The following PTH2R variants were observed in gnomAD, a reference collection of about 807,000 sequenced individuals.
PTH2R encodes the protein parathyroid hormone 2 receptor, also known as PTH2 receptor.
Under a neutral mutation model 60.3 loss-of-function variants are expected in PTH2R, and 59 were observed. The observed-to-expected ratio is 0.98, with a 90% CI of 0.79 to 1.22. The LOEUF (loss-of-function observed/expected upper bound fraction) is 1.22, where lower values mean the gene tolerates loss of function less well. Ranked by LOEUF, PTH2R falls within the 50% of genes most tolerant of loss-of-function variation. The probability of loss-of-function intolerance (pLI) is 0.00; values close to 1 mark genes in which losing one functional copy is unlikely to be tolerated. For missense variants in PTH2R, 749 were observed against 682.6 expected (o/e 1.10, Z -1.08); for synonymous variants, 256 against 243.8 (o/e 1.05, Z -0.47).
Position 208,437,546 on chromosome 2 carries a change from G to T in PTH2R, c.188G>T (p.Cys63Phe), listed in dbSNP as rs1206406886. ...TTTTTTTTCTCATTAGAAGGTAATTGTTTCCCTGAATGGGATGGACTCATT... is the reference window on the plus strand; with the variant it reads ...TTTTTTTTCTCATTAGAAGGTAATTTTTTCCCTGAATGGGATGGACTCATT... The part of the protein sequence containing the change: ...TAQLQEGEGN[C>F]FPEWDGLICW... The change falls in exon 3 of 13, where the codon TGT becomes TTT. Residue 63 changes from cysteine to phenylalanine, a missense_variant. Cys to Phe is a radical substitution (Grantham distance 205). Coordinates refer to ENST00000272847, the MANE Select transcript of PTH2R (RefSeq NM_005048.4). 8 of 1,598,670 alleles carry T rather than the reference G, an allele frequency of 5.0e-6. No individual in the cohort carries two copies. In the East Asian group the frequency reaches 1.8e-4, roughly 36 times the overall value.
intron 9 of PTH2R, among the ~76,000 whole-genome samples, chr2:208,470,951 C>A (rs1323896665): frequency 6.6e-6 from 1 of 152,138 alleles, no homozygotes; most frequent in East Asian, 1.9e-4. Flanking sequence ...TTTTTGGGAA[C>A]TGGAGCAAAG....
chr2:208,403,210 C>T (rs1235050822), upstream of PTH2R, among the ~76,000 whole-genome samples: 1 of 152,150 alleles, frequency 6.6e-6, no homozygotes, highest in Non-Finnish European at 1.5e-5. Flanking sequence ...CTAGTTCAGT[C>T]AGACGTTTTC....
intron 1 of PTH2R, among the ~76,000 whole-genome samples, chr2:208,401,032 A>G (rs1197626068): frequency 1.3e-5 from 2 of 152,226 alleles, no homozygotes; most frequent in Non-Finnish European, 2.9e-5. Flanking sequence ...GACATAGCTT[A>G]TGATCATTAT....
chr2:208,408,546 G>C (rs1168402996), intron 1 of PTH2R, among the ~76,000 whole-genome samples: 1 of 151,858 alleles, frequency 6.6e-6, no homozygotes, highest in Admixed American at 6.6e-5. Context: ...AAAAAAAAAG[G>C]CTTGGTGTGG....
chr2:208,365,937 TATATATATATATATATATATATA>T (rs1332904690), intron 1 of PTH2R, among the ~76,000 whole-genome samples: 4 of 10,614 alleles, frequency 3.8e-4, no homozygotes, highest in East Asian at 3.7e-3. Flanking sequence ...TAAATATATA[TATATATATATATATATATATATA>T]TTTTTTTTTT....
intron 10 of PTH2R, among the ~76,000 whole-genome samples, chr2:208,483,316 A>G (rs1278851962): frequency 6.6e-6 from 1 of 152,258 alleles, no homozygotes; most frequent in Non-Finnish European, 1.5e-5. Context: ...CTGAGAAGAC[A>G]TAGGCCAAAG....
exon 1 of PTH2R, chr2:208,360,116 G>A (rs1559196687): frequency 2.5e-6 from 1 of 393,314 alleles, no homozygotes; most frequent in Non-Finnish European, 5.1e-6. Flanking sequence ...TTTTTCCCTC[G>A]AAAATGACCT....
rs548674825 is a variant in PTH2R at position 208,490,658 on chromosome 2, T to C, written c.1235T>C (p.Ile412Thr). Residue 412 changes from isoleucine (I) to threonine (T), a missense_variant, in exon 12 of 13, where the codon ATC (isoleucine) becomes ACC (threonine). By Grantham distance (89) the Ile-to-Thr change is moderately conservative. Transcript: ENST00000272847. The part of the protein sequence containing the change: ...NSFQGFFVSI[I>T]YCYCNGEVQA... ...CTGCAGGGTTTCTTTGTGTCTATCA[T>C]CTACTGCTACTGCAATGGAGAGGTA... is the stretch of plus-strand genomic sequence containing the variant. The C allele has an allele frequency of 8.7e-6, 14 of 1,610,486 alleles. No individual in the cohort carries two copies. In the African/African-American group the frequency reaches 1.3e-4, roughly 15 times the overall value.
intron 9 of PTH2R, among the ~76,000 whole-genome samples, chr2:208,480,057 G>C (rs2105904419): frequency 6.6e-6 from 1 of 152,302 alleles, no homozygotes; most frequent in East Asian, 1.9e-4. Flanking sequence ...TGCTCACAGG[G>C]TTGTCAGTGG....
intron 1 of PTH2R, among the ~76,000 whole-genome samples, chr2:208,395,346 G>A (rs1025450878): frequency 1.5e-4 from 23 of 151,962 alleles, no homozygotes; most frequent in African/African-American, 5.1e-4. Context: ...ACGCCCGGCC[G>A]AGTCTGATTT....
At chr2:208,453,435 C>T (rs912523447) in intron 8 of PTH2R, among the ~76,000 whole-genome samples, 8 of 152,314 alleles carry the variant, frequency 5.3e-5, no homozygotes, top group Admixed American at 5.2e-4. Flanking sequence ...ATTCCTGCAG[C>T]ATTTAGTATG....
At chr2:208,462,532 G>C (rs150386450) in intron 9 of PTH2R, among the ~76,000 whole-genome samples, 1 of 152,268 alleles carries the variant, frequency 6.6e-6, no homozygotes, top group African/African-American at 2.4e-5. Flanking sequence ...AGCACACACA[G>C]AAATCCTGGA....
chr2:208,488,165 C>T (rs1273849351), intron 10 of PTH2R, among the ~76,000 whole-genome samples: 1 of 152,134 alleles, frequency 6.6e-6, no homozygotes, highest in Non-Finnish European at 1.5e-5. Context: ...CTATATCAAA[C>T]TACTTAGTTT....
At chr2:208,477,751 T>C (rs1243065477) in intron 9 of PTH2R, among the ~76,000 whole-genome samples, 1 of 151,674 alleles carries the variant, frequency 6.6e-6, no homozygotes, top group Non-Finnish European at 1.5e-5. Context: ...CTCTCTTTTT[T>C]TAAATTTCTT....
upstream of PTH2R, among the ~76,000 whole-genome samples, chr2:208,405,996 A>G (rs1701396423): frequency 6.6e-6 from 1 of 152,174 alleles, no homozygotes; most frequent in Non-Finnish European, 1.5e-5. Context: ...TAAGCCACCC[A>G]GTTTATGGTA....
At chr2:208,416,484 T>C (rs80097117) in intron 1 of PTH2R, among the ~76,000 whole-genome samples, 275 of 152,358 alleles carry the variant, frequency 1.8e-3, no homozygotes, top group African/African-American at 6.0e-3. Context: ...TGCCCTACTA[T>C]GGCTTAGCCA....
intron 12 of PTH2R, among the ~76,000 whole-genome samples, chr2:208,491,263 TG>T (rs1229564098): frequency 1.3e-5 from 2 of 152,232 alleles, no homozygotes; most frequent in African/African-American, 4.8e-5. Context: ...GTACACCAGC[TG>T]ATGCTTCTGA....
At chr2:208,488,872 C>T (rs1409198292) in intron 10 of PTH2R, 140 bp from the exon 11 acceptor site, 10 of 859,140 alleles carry the variant, frequency 1.2e-5, no homozygotes, top group Non-Finnish European at 1.6e-5. Context: ...TAGAGTGAAA[C>T]CCTGTCTCAA....
intron 8 of PTH2R, among the ~76,000 whole-genome samples, chr2:208,454,339 G>T (rs1702467407): frequency 6.6e-6 from 1 of 152,120 alleles, no homozygotes; most frequent in Non-Finnish European, 1.5e-5. Flanking sequence ...ACTCTATTTG[G>T]AGATAGGGTC....
Sources: gnomAD v4.1 joint callset for allele counts (sites outside exome capture counted in the v4.1 genomes callset) on GRCh38, gnomAD v4.1.1 for gene constraint, MANE v1.5 for transcripts, NCBI Gene and HGNC (gene_info 2026-07-23, HGNC 2026-07-21) for gene names.